The following LRRC9 variants were observed in gnomAD, a reference collection of about 807,000 sequenced individuals.
The protein encoded by LRRC9 is leucine rich repeat containing 9.
Under a neutral mutation model 63.2 loss-of-function variants are expected in LRRC9, and 122 were observed. That is an observed-to-expected ratio of 1.93 (90% CI 1.67 to 2.24). The LOEUF (loss-of-function observed/expected upper bound fraction) is 2.24. Ranked by LOEUF, LRRC9 falls within the 30% of genes most tolerant of loss-of-function variation. LRRC9 has a pLI of 0.00. For synonymous variants in LRRC9, 366 were observed against 213.1 expected (o/e 1.72, Z -6.25); for missense variants, 1,071 against 627.7 (o/e 1.71, Z -7.55).
intron 26 of LRRC9, among the ~76,000 whole-genome samples, chr14:60,019,860 CAT>C (rs35752824): frequency 0.75 from 112,306 of 150,496 alleles, 43,992 homozygotes; most frequent in Non-Finnish European, 0.87. Flanking sequence ...ATATATAATA[CAT>C]ATCATATATA....
In LRRC9 at chr14:59,922,579, T is replaced by C. The variant is rs988418767; in HGVS notation, c.-34+2696T>C. Among the ~76,000 whole-genome samples the C allele has an allele frequency of 6.6e-6, 1 of 152,126 alleles. No homozygotes were observed. Among genetic ancestry groups the C allele is most frequent in the Non-Finnish European group, 1.5e-5 (1 of 68,024 alleles). On this transcript the variant is annotated intron_variant, in intron 1 of 31. Transcript: ENST00000445360. This position sits in a 1 kb window ranked among gnomAD's most constrained non-coding sequence, Gnocchi z 5.3. ...AAGAGACAGATAAGGATAGGATCAA[T>C]ACATAGGAAAAGGGATTTGTTTTGG...
At chr14:59,982,421 C>T (rs771186927) in intron 16 of LRRC9, among the ~76,000 whole-genome samples, 2 of 152,106 alleles carry the variant, frequency 1.3e-5, no homozygotes, top group Non-Finnish European at 1.5e-5. Context: ...TTATTTAGCT[C>T]ATCGTTCTGG....
chr14:59,937,289 T>C (rs1188805027), intron 6 of LRRC9, among the ~76,000 whole-genome samples: 3 of 152,108 alleles, frequency 2.0e-5, no homozygotes, highest in Non-Finnish European at 4.4e-5. Flanking sequence ...TTTGTTTTTT[T>C]TGAATACTTA....
At chr14:59,960,007 C>A in exon 9 of LRRC9, 1 of 660,694 alleles carries the variant, frequency 1.5e-6, no homozygotes, top group Non-Finnish European at 2.7e-6. Context: ...GAACAAAAAA[C>A]TAGATGAGTA....
chr14:59,928,838 T>G (rs1889436459), intron 3 of LRRC9, among the ~76,000 whole-genome samples: 1 of 152,088 alleles, frequency 6.6e-6, no homozygotes, highest in African/African-American at 2.4e-5. Flanking sequence ...GACCATCTAT[T>G]CAATATATGG....
At chr14:59,920,576 A>G (rs2139722396) in intron 1 of LRRC9, among the ~76,000 whole-genome samples, 1 of 152,320 alleles carries the variant, frequency 6.6e-6, no homozygotes, top group Non-Finnish European at 1.5e-5. Context: ...CTCCCTAACC[A>G]AACCTGACAC....
intron 9 of LRRC9, among the ~76,000 whole-genome samples, chr14:59,960,463 T>C (rs998269640): frequency 6.6e-6 from 1 of 152,212 alleles, no homozygotes; most frequent in African/African-American, 2.4e-5. Flanking sequence ...AGTGGATAAA[T>C]TAGTGTGCCC....
intron 8 of LRRC9, among the ~76,000 whole-genome samples, chr14:59,953,611 G>A (rs1162906593): frequency 6.6e-6 from 1 of 152,072 alleles, no homozygotes; most frequent in African/African-American, 2.4e-5. Flanking sequence ...TCTGTAGGTG[G>A]CCTGTTCAAT....
chr14:60,045,572 G>A (rs1219160827), intron 29 of LRRC9, among the ~76,000 whole-genome samples: 1 of 151,982 alleles, frequency 6.6e-6, no homozygotes, highest in African/African-American at 2.4e-5. Context: ...ATGGCTTCCG[G>A]CTCTATCCAT....
At chr14:60,005,584 A>T (rs768408495) in intron 21 of LRRC9, among the ~76,000 whole-genome samples, 4 of 152,010 alleles carry the variant, frequency 2.6e-5, no homozygotes, top group Non-Finnish European at 5.9e-5. Flanking sequence ...CCCTGGATTG[A>T]TTCACCTTCA....
intron 17 of LRRC9, among the ~76,000 whole-genome samples, chr14:59,991,237 G>T (rs1830560268): frequency 6.6e-6 from 1 of 152,102 alleles, no homozygotes; most frequent in Non-Finnish European, 1.5e-5. Context: ...TTCCTTAAGT[G>T]TGTACTAAAA....
chr14:59,968,152 TA>T, intron 12 of LRRC9, among the ~76,000 whole-genome samples: 1 of 152,316 alleles, frequency 6.6e-6, no homozygotes, highest in African/African-American at 2.4e-5. Context: ...AACATTATGC[TA>T]GAGAAATAAT....
At chr14:60,008,292 T>A (rs1422331581) in intron 23 of LRRC9, 78 bp downstream of exon 23, 1 of 550,680 alleles carries the variant, frequency 1.8e-6, no homozygotes, top group East Asian at 3.1e-5. Context: ...ATTTTGAACA[T>A]TGCTTTATCA....
At chr14:59,924,378 T>C (rs1204526742) in intron 1 of LRRC9, among the ~76,000 whole-genome samples, 1 of 152,242 alleles carries the variant, frequency 6.6e-6, no homozygotes, top group Non-Finnish European at 1.5e-5. Context: ...CAGGTTGCTT[T>C]CTTGACTGGC....
chr14:60,047,674 T>C (rs992594192), intron 29 of LRRC9, among the ~76,000 whole-genome samples: 1 of 152,158 alleles, frequency 6.6e-6, no homozygotes, highest in Non-Finnish European at 1.5e-5. Flanking sequence ...TAAAGAGACT[T>C]AGACTCCCAC....
chr14:59,984,937 A>AT (rs1887304949), intron 16 of LRRC9, among the ~76,000 whole-genome samples, 168 bp from the exon 17 acceptor site: 4 of 152,098 alleles, frequency 2.6e-5, no homozygotes, highest in South Asian at 4.2e-4. Flanking sequence ...CATAGATTAG[A>AT]TTTTTTTTCT....
At position 59,922,113 on chromosome 14, in the gene LRRC9, GA is replaced by G. The variant is rs995576821; in HGVS notation, c.-34+2236del. ...AAAAAATAAATAAATAAATAAGAAA[GA>G]AAAAAGAAAAGAAGAAAAGCACAAA... On this transcript the variant is annotated intron_variant, in intron 1 of 31. Transcript: ENST00000445360. This position sits in a 1 kb window ranked among gnomAD's most constrained non-coding sequence, Gnocchi z 5.3. Among the ~76,000 whole-genome samples, 2 of 148,482 alleles carry G rather than the reference GA, an allele frequency of 1.3e-5. No homozygotes were observed. Among genetic ancestry groups the G allele is most frequent in the Non-Finnish European group, 2.9e-5 (2 of 67,862 alleles).
chr14:59,996,089 A>T (rs962354266), intron 17 of LRRC9, among the ~76,000 whole-genome samples: 13 of 152,194 alleles, frequency 8.5e-5, no homozygotes, highest in African/African-American at 3.1e-4. Context: ...GCTGGTCTAC[A>T]GGCAGGTGCC....
chr14:59,952,008 T>A (rs1346305160), intron 8 of LRRC9, among the ~76,000 whole-genome samples: 1 of 151,946 alleles, frequency 6.6e-6, no homozygotes, highest in Non-Finnish European at 1.5e-5. Flanking sequence ...CAGGCCTCCT[T>A]GAGCTGTGGT....
Sources: allele counts gnomAD v4.1 joint callset (sites outside exome capture counted in the v4.1 genomes callset), GRCh38; gene constraint gnomAD v4.1.1; non-coding constraint Gnocchi (gnomAD v3.1); transcripts MANE v1.5; gene names NCBI Gene and HGNC (gene_info 2026-07-23, HGNC 2026-07-21).